The following NOTCH2 variants were observed in gnomAD, a reference collection of about 807,000 sequenced individuals.
The protein encoded by NOTCH2 is notch receptor 2, also known as neurogenic locus notch homolog protein 2.
In NOTCH2, 29 loss-of-function variants were observed where a neutral mutation model predicts 235.8. The ratio of observed to expected loss-of-function variants is 0.12; its 90% CI spans 0.09 to 0.17. The LOEUF is 0.17. Ranked by LOEUF, NOTCH2 falls within the 10% of genes least tolerant of loss-of-function variation. The pLI, the probability that NOTCH2 is intolerant of heterozygous loss-of-function variation, is 1.00. For missense variants in NOTCH2, 2,285 were observed against 3,150.2 expected (o/e 0.73, Z 6.57); for synonymous variants, 1,086 against 1,141.5 (o/e 0.95, Z 0.98).
chr1:119,968,037 A>G, intron 7 of NOTCH2, 40 bp downstream of exon 7: 1 of 1,612,380 alleles, frequency 6.2e-7, no homozygotes, highest in Non-Finnish European at 8.5e-7. Context: ...GCTGAGCTCA[A>G]CAGACACTTC....
intron 22 of NOTCH2, among the ~76,000 whole-genome samples, chr1:119,933,600 G>T (rs587633111): frequency 6.6e-6 from 1 of 152,250 alleles, no homozygotes; most frequent in East Asian, 1.9e-4. Flanking sequence ...AAAAACCATG[G>T]ATATCAGAAA....
chr1:119,913,180 G>C lies in NOTCH2; in HGVS notation c.*2126C>G. 1 of 233,326 alleles carries C rather than the reference G, an allele frequency of 4.3e-6. No homozygotes were observed. The highest frequency in any genetic ancestry group is 5.6e-5 in the Admixed American group (1 of 17,812). The allele number at this position is 233,326 out of a possible 1,614,324, so 14.5% of individuals were successfully genotyped here. A position where few individuals can be genotyped will look rare whatever the true frequency, so the allele number is the denominator to read the frequency against. On this transcript the variant is annotated 3_prime_UTR_variant, in exon 34 of 34. Transcript: ENST00000256646. ...GATAAAATGTTTGCACACTATGAAAGAGGCTGACAGAATGTTGCCACATGG... is the reference window on the plus strand; with the variant it reads ...GATAAAATGTTTGCACACTATGAAACAGGCTGACAGAATGTTGCCACATGG...
chr1:119,958,748 G>C (rs1207335279), intron 12 of NOTCH2, among the ~76,000 whole-genome samples: 1 of 151,894 alleles, frequency 6.6e-6, no homozygotes, highest in South Asian at 2.1e-4. Context: ...GTGTCTGTGT[G>C]TGCGTGTGCA....
At chr1:120,001,134 C>T (rs1296548481) in intron 3 of NOTCH2, among the ~76,000 whole-genome samples, 3 of 152,108 alleles carry the variant, frequency 2.0e-5, no homozygotes, top group African/African-American at 7.2e-5. Context: ...CACCATAATT[C>T]GGAGGCCTCC....
rs1364138900 is a variant in NOTCH2 at position 120,069,076 on chromosome 1, C to T, written c.73+258G>A. The T allele has an allele frequency of 2.4e-5, 36 of 1,490,752 alleles. 1 individual carries two copies. The highest frequency in any genetic ancestry group is 3.2e-5 in the Non-Finnish European group (36 of 1,115,932). The allele number at this position is 1,490,752 out of a possible 1,614,324, so 92.3% of individuals were successfully genotyped here. On this transcript the variant is annotated intron_variant, in intron 1 of 33. Transcript: ENST00000256646. ...AGGAGTTTCTGAGACTTGCTGCCGG[C>T]CTCCCTCCTGCCGAGGAGGCGTGTA...
chr1:119,949,540 C>T (rs587772580), intron 15 of NOTCH2, among the ~76,000 whole-genome samples: 2 of 151,976 alleles, frequency 1.3e-5, no homozygotes, highest in East Asian at 1.9e-4. Context: ...GCACCCACCA[C>T]GACGCCCGGC....
In NOTCH2 at chr1:119,911,901, G is replaced by A; in HGVS notation, c.*3405C>T. ...TTTTTCCCCAGGATCATTTATTTATGATCTAATTAAAGGAAGAAAAAAAGA... is the reference window on the plus strand; with the variant it reads ...TTTTTCCCCAGGATCATTTATTTATAATCTAATTAAAGGAAGAAAAAAAGA... On this transcript the variant is annotated 3_prime_UTR_variant, in exon 34 of 34. Transcript: ENST00000256646. 4.3e-6 allele frequency: 1 copy of A among 233,130 alleles called. No individual in the cohort carries two copies. The highest frequency in any genetic ancestry group is 8.5e-6 in the Non-Finnish European group (1 of 118,016). The allele number at this position is 233,130 out of a possible 1,614,324, so 14.4% of individuals were successfully genotyped here.
rs587681369 is a variant in NOTCH2, at chr1:119,945,435, C to A, written c.2752+2979G>T. On this transcript the variant is annotated intron_variant, in intron 17 of 33. Coordinates refer to ENST00000256646, the MANE Select transcript of NOTCH2 (RefSeq NM_024408.4). ...AAATACCTGAATTAAAAGATAGACA[C>A]CATCATACTGGAGAAAAAAAGACAA... Among the ~76,000 whole-genome samples, 15 of 152,092 alleles carry A rather than the reference C, an allele frequency of 9.9e-5. No individual in the cohort carries two copies. The South Asian group carries it at 3.1e-3, about 32-fold the overall frequency.
At chr1:119,957,394 A>C (rs973867939) in intron 12 of NOTCH2, among the ~76,000 whole-genome samples, 1 of 152,244 alleles carries the variant, frequency 6.6e-6, no homozygotes, top group Admixed American at 6.5e-5. Context: ...ATAATTCCTT[A>C]CATTCCCCCA....
At chr1:119,985,946 G>A (rs1202386766) in intron 5 of NOTCH2, among the ~76,000 whole-genome samples, 3 of 152,114 alleles carry the variant, frequency 2.0e-5, no homozygotes, top group Non-Finnish European at 4.4e-5. Flanking sequence ...AAGCAGAAAT[G>A]TTTGGCCTCC....
intron 1 of NOTCH2, among the ~76,000 whole-genome samples, chr1:120,063,435 A>G (rs1655387411): frequency 6.6e-6 from 1 of 152,036 alleles, no homozygotes; most frequent in African/African-American, 2.4e-5. Flanking sequence ...TGGAACTCCT[A>G]TGCATTCTAA....
chr1:119,915,942 A>T lies in NOTCH2; in HGVS notation c.6780T>A (p.Asn2260Lys), dbSNP rs767185818. The T allele has an allele frequency of 6.2e-7, 1 of 1,614,098 alleles. No individual in the cohort carries two copies. Among genetic ancestry groups the T allele is most frequent in the Non-Finnish European group, 8.5e-7 (1 of 1,180,004 alleles). ...PADWMNRMEV[N>K]ETQYNEMFGM... ...CAAACATCTCATTGTACTGGGTCTC[A>T]TTCACCTCCATGCGGTTCATCCAAT... The change falls in exon 34 of 34, where the codon AAT becomes AAA. Residue 2260 changes from asparagine (N) to lysine (K), a missense_variant. By Grantham distance (94) the Asn-to-Lys change is moderately conservative. Coordinates refer to ENST00000256646, the MANE Select transcript of NOTCH2 (RefSeq NM_024408.4).
intron 18 of NOTCH2, 51 bp from the exon 19 acceptor site, chr1:119,940,807 A>T: frequency 6.7e-7 from 1 of 1,487,948 alleles, no homozygotes. Flanking sequence ...CCTGTGACTT[A>T]CTACTACAAA....
chr1:120,020,962 TTTTC>T (rs1653621826), intron 2 of NOTCH2, among the ~76,000 whole-genome samples: 1 of 90,490 alleles, frequency 1.1e-5, no homozygotes, highest in Non-Finnish European at 1.8e-5. Context: ...TTATTTTCAC[TTTTC>T]TTTCATAAAA....
chr1:119,944,700 T>C (rs1225550162), intron 17 of NOTCH2, among the ~76,000 whole-genome samples: 1 of 152,034 alleles, frequency 6.6e-6, no homozygotes, highest in Non-Finnish European at 1.5e-5. Context: ...TCCTCAGAAA[T>C]AATGCAAGGA....
chr1:119,916,075 G>A lies in NOTCH2; in HGVS notation c.6647C>T (p.Thr2216Ile), dbSNP rs1382442666. The A allele has an allele frequency of 6.2e-7, 1 of 1,613,984 alleles. No homozygotes were observed. The highest frequency in any genetic ancestry group is 1.7e-5 in the Admixed American group (1 of 60,036). ...EMQPLAHGASTVLPSVSQLLS... is the reference protein window; with the variant it reads ...EMQPLAHGASIVLPSVSQLLS... ...CAACTGGCTCACTGAGGGAAGCACA[G>A]TGCTGGCCCCATGTGCCAAAGGCTG... The change falls in exon 34 of 34, where the codon ACT (threonine) becomes ATT (isoleucine). Residue 2216 changes from threonine (T) to isoleucine (I), a missense_variant. Coordinates refer to ENST00000256646, the MANE Select transcript of NOTCH2 (RefSeq NM_024408.4).
intron 22 of NOTCH2, among the ~76,000 whole-genome samples, chr1:119,934,516 C>A (rs1649778884): frequency 6.6e-6 from 1 of 152,168 alleles, no homozygotes; most frequent in South Asian, 2.1e-4. Flanking sequence ...CAGGACAATT[C>A]TTCAAATACT....
rs782230202 is a variant in NOTCH2 at position 119,969,667 on chromosome 1, G to C, written c.952C>G (p.Arg318Gly). 6.2e-7 allele frequency: 1 copy of C among 1,613,984 alleles called. No individual in the cohort carries two copies. Among genetic ancestry groups the C allele is most frequent in the South Asian group, 1.1e-5 (1 of 91,086 alleles). ...CATACACAGCCATAGCCTCCATTGC[G>C]GTTGGCACAGGTGCCCCCATTTTGA... The part of the protein sequence containing the change: ...ACQNGGTCAN[R>G]NGGYGCVCVN... The change falls in exon 6 of 34, where the codon CGC becomes GGC. Residue 318 changes from arginine (R) to glycine (G), a missense_variant. By Grantham distance (125) the Arg-to-Gly change is moderately radical. This residue lies in a region of NOTCH2 where 431 missense variants were observed against 757.8 expected (regional missense o/e 0.57). Transcript: ENST00000256646.
rs1477487097 is a variant in NOTCH2, at chr1:120,023,368, C to T, written c.155+6538G>A. ...AGGAGAATGGCAAGAACCCGGGAGGCGGAGCTTACAGTGAGCCAAGAAAGC... is the reference window on the plus strand; with the variant it reads ...AGGAGAATGGCAAGAACCCGGGAGGTGGAGCTTACAGTGAGCCAAGAAAGC... On this transcript the variant is annotated intron_variant, in intron 2 of 33. Transcript: ENST00000256646. 5.3e-4 allele frequency among the ~76,000 whole-genome samples: 80 copies of T among 150,420 alleles called. 1 individual carries two copies. Among genetic ancestry groups the T allele is most frequent in the African/African-American group, 1.8e-3 (74 of 40,650 alleles).
Sources: gnomAD v4.1 joint callset for allele counts (sites outside exome capture counted in the v4.1 genomes callset) on GRCh38, gnomAD v4.1.1 for gene constraint, gnomAD v4.1.1 regional missense constraint, MANE v1.5 for transcripts, NCBI Gene and HGNC (gene_info 2026-07-23, HGNC 2026-07-21) for gene names.